Variants in STAT3 observed in about 807,000 individuals in gnomAD.
STAT3 encodes DNA-binding protein APRF.
STAT3 carries 7 observed loss-of-function variants against 114.3 expected under a neutral mutation model. That is an observed-to-expected ratio of 0.06 (90% confidence interval 0.03 to 0.11). The LOEUF (loss-of-function observed/expected upper bound fraction) is 0.11. STAT3 is among the 10% of genes least tolerant of loss of function. The pLI, the probability that STAT3 is intolerant of heterozygous loss-of-function variation, is 1.00. For synonymous variants in STAT3, 331 were observed against 354.5 expected, an observed-to-expected ratio of 0.93 and a Z score of 0.74; for missense variants, 364 against 960.9, an observed-to-expected ratio of 0.38 and a Z score of 8.21.
chr17:42,375,829 CAA>C (rs959659509), intron 1 of STAT3, among the ~76,000 whole-genome samples: 77 of 116,966 alleles, frequency 6.6e-4, no homozygotes, highest in African/African-American at 2.3e-3. Flanking sequence ...AACTCCATCT[CAA>C]AAAAAAAAAA....
At position 42,315,477 on chromosome 17, in the gene STAT3, G is replaced by A; in HGVS notation, c.*268C>T. On this transcript the variant is annotated 3_prime_UTR_variant, in exon 24 of 24. Transcript: ENST00000264657. ...AAGACATTTCCTTTTTCTCCCTCTA[G>A]CCACCCCCCGCCACATCCCCTGATC... 1.7e-6 allele frequency: 1 copy of A among 578,094 alleles called. No homozygotes were observed. The highest frequency in any genetic ancestry group is 2.0e-5 in the South Asian group (1 of 49,176). 35.8% of individuals were successfully genotyped at this position (578,094 alleles called of 1,614,324 possible).
chr17:42,345,372 T>C, intron 4 of STAT3, 187 bp downstream of exon 4: 1 of 575,142 alleles, frequency 1.7e-6, no homozygotes, highest in South Asian at 2.4e-5. Context: ...TTTTTTAGAG[T>C]TTTTCAATGT....
chr17:42,320,596 G>C (rs968755632), intron 21 of STAT3, among the ~76,000 whole-genome samples: 4 of 152,048 alleles, frequency 2.6e-5, no homozygotes, highest in Admixed American at 1.3e-4. Context: ...TGGGCATGGT[G>C]GCACAAGCCC....
At chr17:42,368,672 C>G (rs1028345106) in intron 1 of STAT3, among the ~76,000 whole-genome samples, 4 of 151,102 alleles carry the variant, frequency 2.6e-5, no homozygotes, top group Non-Finnish European at 4.4e-5. Context: ...GTTAGCCAAG[C>G]TGGTCTCGAA....
chr17:42,323,613 T>G lies in STAT3; in HGVS notation c.1613A>C (p.Asn538Thr). The change falls in exon 18 of 24, where the codon AAT (asparagine) becomes ACT (threonine). Residue 538 changes from asparagine (N) to threonine (T), a missense_variant. Transcript: ENST00000264657. ...LAEKLLGPGV[N>T]YSGCQITWAK... is the part of the protein sequence containing the mutation. Reference sequence around the variant, plus strand: ...CCATGTGATCTGACACCCTGAATAATTCACACCAGGTCCTGAAGGAAAGAA... The same window carrying G: ...CCATGTGATCTGACACCCTGAATAAGTCACACCAGGTCCTGAAGGAAAGAA... 1 of 1,603,478 alleles carries G rather than the reference T, an allele frequency of 6.2e-7. No homozygotes were observed. The highest frequency in any genetic ancestry group is 1.5e-5 in the African/African-American group (1 of 66,422).
At chr17:42,365,421 C>A (rs559848706) in intron 1 of STAT3, among the ~76,000 whole-genome samples, 24 of 152,166 alleles carry the variant, frequency 1.6e-4, no homozygotes, top group Non-Finnish European at 3.2e-4. Context: ...CAAAGACAAG[C>A]CATCCCTGCT....
At chr17:42,344,289 G>C (rs1423349802) in intron 4 of STAT3, among the ~76,000 whole-genome samples, 1 of 151,892 alleles carries the variant, frequency 6.6e-6, no homozygotes, top group South Asian at 2.1e-4. Context: ...GGGTGTGGTG[G>C]CGCGCGCCTG....
intron 4 of STAT3, among the ~76,000 whole-genome samples, chr17:42,344,575 C>T (rs1052230133): frequency 2.0e-5 from 3 of 150,318 alleles, no homozygotes; most frequent in Non-Finnish European, 4.4e-5. Flanking sequence ...AAAAATTAGC[C>T]AGGCTTGGTG....
intron 8 of STAT3, among the ~76,000 whole-genome samples, chr17:42,334,603 C>T (rs2082156214): frequency 6.6e-6 from 1 of 152,190 alleles, no homozygotes; most frequent in East Asian, 1.9e-4. Flanking sequence ...CACCACCACT[C>T]CCGGATAATT....
chr17:42,385,531 A>G (rs2085055696), intron 1 of STAT3, among the ~76,000 whole-genome samples: 1 of 150,756 alleles, frequency 6.6e-6, no homozygotes, highest in Non-Finnish European at 1.5e-5. Flanking sequence ...AAAAAAGTAT[A>G]TATTTGTTGA....
intron 1 of STAT3, among the ~76,000 whole-genome samples, chr17:42,377,437 T>G (rs979039981): frequency 1.3e-5 from 2 of 152,182 alleles, no homozygotes; most frequent in African/African-American, 2.4e-5. Context: ...GTATTTGCAT[T>G]GAGTATTCTC....
intron 4 of STAT3, among the ~76,000 whole-genome samples, chr17:42,340,355 CAAAAAAAAA>C (rs10706259): frequency 8.5e-6 from 1 of 117,054 alleles, no homozygotes; most frequent in African/African-American, 3.1e-5. Flanking sequence ...AACTCCATCT[CAAAAAAAAA>C]AAAAAAAAAT....
chr17:42,363,085 C>A (rs2083597930), intron 1 of STAT3, among the ~76,000 whole-genome samples: 1 of 152,182 alleles, frequency 6.6e-6, no homozygotes. Flanking sequence ...AGCATAGTGT[C>A]TGGCTCATAA....
At chr17:42,322,917 C>G in intron 20 of STAT3, 87 bp downstream of exon 20, 1 of 1,601,326 alleles carries the variant, frequency 6.2e-7, no homozygotes, top group South Asian at 1.1e-5. Flanking sequence ...TCTCCACCCA[C>G]CAGGGGGCAG....
At chr17:42,371,445 C>A (rs1353321237) in intron 1 of STAT3, among the ~76,000 whole-genome samples, 5 of 149,766 alleles carry the variant, frequency 3.3e-5, no homozygotes, top group Non-Finnish European at 4.4e-5. Flanking sequence ...CTGAGGCAGG[C>A]GGATCACCTG....
At chr17:42,336,959 TAAAGTAAAAAC>T (rs2082253157) in intron 8 of STAT3, among the ~76,000 whole-genome samples, 1 of 151,960 alleles carries the variant, frequency 6.6e-6, no homozygotes, top group Non-Finnish European at 1.5e-5. Flanking sequence ...TTTCTCCAAA[TAAAGTAAAAAC>T]TTTATTTTAT....
rs1176454911 is a variant in STAT3, at chr17:42,314,738, A to G, written c.*1007T>C. ...ATTTCAACACCAAAGGCCAGGTTGC[A>G]GCTTCAGATGTCTTAAGGGTTTGAC... On this transcript the variant is annotated 3_prime_UTR_variant, in exon 24 of 24. Transcript: ENST00000264657. 1 of 218,944 alleles carries G rather than the reference A, an allele frequency of 4.6e-6. No individual in the cohort carries two copies. The highest frequency in any genetic ancestry group is 9.2e-6 in the Non-Finnish European group (1 of 109,004). 13.6% of individuals were successfully genotyped at this position (218,944 alleles called of 1,614,324 possible). A position where few individuals can be genotyped will look rare whatever the true frequency, so the allele number is the denominator to read the frequency against.
intron 8 of STAT3, among the ~76,000 whole-genome samples, chr17:42,334,531 G>A (rs1311693638): frequency 3.6e-5 from 5 of 137,120 alleles, no homozygotes; most frequent in East Asian, 2.4e-4. Flanking sequence ...TGCAACCTCC[G>A]CCTCCCAAGT....
intron 1 of STAT3, 49 bp downstream of exon 1, chr17:42,388,230 C>T (rs1050473383): frequency 8.1e-7 from 1 of 1,231,668 alleles, no homozygotes; most frequent in Non-Finnish European, 1.0e-6. Context: ...GCTGCGGAGC[C>T]CCCGGGTCCC....
Sources: gnomAD v4.1 joint callset for allele counts (sites outside exome capture counted in the v4.1 genomes callset) on GRCh38, gnomAD v4.1.1 for gene constraint, MANE v1.5 for transcripts, NCBI Gene and HGNC (gene_info 2026-07-23, HGNC 2026-07-21) for gene names.